The following INTS6L variants were observed in gnomAD, a reference collection of about 807,000 sequenced individuals.
The protein encoded by INTS6L is integrator complex subunit 6-like.
In INTS6L, 18 loss-of-function variants were observed where a neutral mutation model predicts 64.7. The ratio of observed to expected loss-of-function variants is 0.28; its 90% confidence interval spans 0.19 to 0.41. The LOEUF is 0.41. Ranked by LOEUF, INTS6L falls within the 10% of genes least tolerant of loss-of-function variation. The probability of loss-of-function intolerance (pLI) is 1.00; values close to 1 mark genes in which losing one functional copy is unlikely to be tolerated. For missense variants in INTS6L, 533 were observed against 661.0 expected (o/e 0.81, Z 2.12); for synonymous variants, 227 against 235.9 (o/e 0.96, Z 0.34).
chrX:135,547,354 TC>T, intron 6 of INTS6L, 89 bp downstream of exon 6: 4 of 983,568 alleles, frequency 4.1e-6, no homozygotes, highest in Non-Finnish European at 5.5e-6. Context: ...GTCTTCACTA[TC>T]CACGTGCATT....
intron 2 of INTS6L, among the ~76,000 whole-genome samples, chrX:135,530,135 AT>A (rs1379024021): frequency 8.9e-6 from 1 of 112,712 alleles, no homozygotes; most frequent in Non-Finnish European, 1.9e-5. Flanking sequence ...GCTGTTATTT[AT>A]AGCTGCTTTT....
At chrX:135,521,613 A>G (rs2085560054) in intron 2 of INTS6L, among the ~76,000 whole-genome samples, 1 of 109,341 alleles carries the variant, frequency 9.1e-6, no homozygotes, top group African/African-American at 3.3e-5. Flanking sequence ...TTGCTTTTGT[A>G]TGAGCCTGCG....
At chrX:135,524,256 A>G (rs1556499781) in intron 2 of INTS6L, among the ~76,000 whole-genome samples, 3 of 110,868 alleles carry the variant, frequency 2.7e-5, no homozygotes, top group African/African-American at 9.9e-5. Context: ...CTAGTCTTTC[A>G]CTTGCTAATA....
In INTS6L at chrX:135,581,705, C is replaced by T. The variant is rs1556534737; in HGVS notation, c.*69C>T. On this transcript the variant is annotated 3_prime_UTR_variant, in exon 18 of 18. Coordinates refer to ENST00000639893, the MANE Select transcript of INTS6L (RefSeq NM_001351601.3). ...AGGATGGAACAGGATATTGTTGAAG[C>T]CTCCTGGAATGTTTGAGTCAAGGGA... The T allele has an allele frequency of 1.1e-6, 1 of 918,432 alleles. No individual in the cohort carries two copies. Among genetic ancestry groups the T allele is most frequent in the African/African-American group, 2.0e-5 (1 of 50,164 alleles). The allele number at this position is 918,432 out of a possible 1,213,427, so 75.7% of individuals were successfully genotyped here.
intron 2 of INTS6L, among the ~76,000 whole-genome samples, chrX:135,540,648 A>G (rs1556512094): frequency 9.1e-6 from 1 of 110,234 alleles, no homozygotes; most frequent in East Asian, 2.9e-4. Context: ...TAACTCTTTC[A>G]TCTGCATTTC....
intron 16 of INTS6L, 84 bp from the exon 17 acceptor site, chrX:135,580,966 A>G (rs1362093356): frequency 7.4e-6 from 5 of 673,386 alleles, no homozygotes; most frequent in Non-Finnish European, 1.0e-5. Flanking sequence ...CTCACGAAGA[A>G]CAATTACTAA....
chrX:135,523,225 A>T (rs1390088953), intron 2 of INTS6L, among the ~76,000 whole-genome samples: 1 of 109,208 alleles, frequency 9.2e-6, no homozygotes, highest in Non-Finnish European at 1.9e-5. Context: ...TCTTTACTAA[A>T]ATACAAAAAA....
chrX:135,563,633 G>GTGTATATA (rs1556523326), intron 9 of INTS6L, among the ~76,000 whole-genome samples: 3 of 10,413 alleles, frequency 2.9e-4, no homozygotes, highest in Admixed American at 7.7e-4. Flanking sequence ...GTGTGTGTGT[G>GTGTATATA]TATATATATA....
chrX:135,520,748 A>T lies in INTS6L; in HGVS notation c.-245A>T. ...GTAGTGGTGGCAGCAGAAGAGAGGA[A>T]GGGGGAGGGCCCCGAGGGCTACACA... On this transcript the variant is annotated 5_prime_UTR_variant, in exon 1 of 18. The change creates a new upstream start codon in the 5' untranslated region. Coordinates refer to ENST00000639893, the MANE Select transcript of INTS6L (RefSeq NM_001351601.3). The T allele has an allele frequency of 2.7e-6, 1 of 371,576 alleles. No individual in the cohort carries two copies. The highest frequency in any genetic ancestry group is 4.7e-6 in the Non-Finnish European group (1 of 212,800). The allele number at this position is 371,576 out of a possible 1,213,427, so 30.6% of individuals were successfully genotyped here. A position where few individuals can be genotyped will look rare whatever the true frequency, so the allele number is the denominator to read the frequency against.
At position 135,520,805 on chromosome X, in the gene INTS6L, A is replaced by G; in HGVS notation, c.-188A>G. ...CACTTTCAAGTTCCCTTGGAGGGAG[A>G]GGAGGTGGGGCTGCAGAAAGAGGAG... On this transcript the variant is annotated 5_prime_UTR_variant, in exon 1 of 18. Coordinates refer to ENST00000639893, the MANE Select transcript of INTS6L (RefSeq NM_001351601.3). 1 of 439,150 alleles carries G rather than the reference A, an allele frequency of 2.3e-6. No homozygotes were observed. The highest frequency in any genetic ancestry group is 3.6e-5 in the South Asian group (1 of 27,720). The allele number at this position is 439,150 out of a possible 1,213,427, so 36.2% of individuals were successfully genotyped here.
At chrX:135,524,552 G>A (rs2085679070) in intron 2 of INTS6L, among the ~76,000 whole-genome samples, 1 of 110,424 alleles carries the variant, frequency 9.1e-6, no homozygotes. Flanking sequence ...TCTAAACACT[G>A]TAAAATGAAC....
chrX:135,560,705 G>A (rs989591993), intron 9 of INTS6L, among the ~76,000 whole-genome samples: 8 of 109,674 alleles, frequency 7.3e-5, no homozygotes, highest in African/African-American at 2.3e-4. Context: ...TTAGCTGGGC[G>A]TGGTGGCACG....
intron 8 of INTS6L, among the ~76,000 whole-genome samples, chrX:135,552,943 T>A (rs782498030): frequency 1.8e-5 from 2 of 112,418 alleles, no homozygotes; most frequent in East Asian, 5.6e-4. Context: ...AAGGAACACT[T>A]TCAGACTGCC....
chrX:135,520,723 G>A lies in INTS6L; in HGVS notation c.-270G>A, dbSNP rs1054279218. 2.0e-5 allele frequency: 7 copies of A among 354,281 alleles called. No homozygotes were observed. Among genetic ancestry groups the A allele is most frequent in the African/African-American group, 1.8e-4 (7 of 38,949 alleles). 29.2% of individuals were successfully genotyped at this position (354,281 alleles called of 1,213,427 possible). On this transcript the variant is annotated 5_prime_UTR_variant, in exon 1 of 18. Transcript: ENST00000639893. ...TTAGGCAGTAGTCCTGGCAGCGGCA[G>A]TAGTGGTGGCAGCAGAAGAGAGGAA... is the stretch of plus-strand genomic sequence containing the variant.
intron 2 of INTS6L, among the ~76,000 whole-genome samples, chrX:135,543,541 A>G (rs1357455608): frequency 9.0e-6 from 1 of 111,590 alleles, no homozygotes; most frequent in African/African-American, 3.3e-5. Flanking sequence ...CCATAAGTGC[A>G]TCTCTTATTC....
intron 2 of INTS6L, among the ~76,000 whole-genome samples, chrX:135,522,102 T>C (rs907960730): frequency 1.5e-4 from 17 of 111,617 alleles, no homozygotes; most frequent in Admixed American, 5.7e-4. Flanking sequence ...TGCTCCGGAA[T>C]TGGCCAGGTT....
At chrX:135,522,249 A>G (rs2085600790) in intron 2 of INTS6L, among the ~76,000 whole-genome samples, 1 of 112,057 alleles carries the variant, frequency 8.9e-6, no homozygotes, top group South Asian at 3.7e-4. Flanking sequence ...ACCTATTTAC[A>G]TCATAAATTA....
intron 2 of INTS6L, among the ~76,000 whole-genome samples, chrX:135,532,501 A>G (rs2062905612): frequency 8.9e-6 from 1 of 112,146 alleles, no homozygotes; most frequent in African/African-American, 3.2e-5. Flanking sequence ...ACTGTCATGT[A>G]ATATGGCAAA....
chrX:135,565,439 A>C (rs1450395298), intron 9 of INTS6L, among the ~76,000 whole-genome samples: 1 of 110,127 alleles, frequency 9.1e-6, no homozygotes, highest in Non-Finnish European at 1.9e-5. Flanking sequence ...CCTTCCCCAA[A>C]CTCCTCAGCA....
Sources: allele counts gnomAD v4.1 joint callset (sites outside exome capture counted in the v4.1 genomes callset), GRCh38; gene constraint gnomAD v4.1.1; transcripts MANE v1.5; gene names NCBI Gene and HGNC (gene_info 2026-07-23, HGNC 2026-07-21).